The following KCNH1 variants were observed in gnomAD, a reference collection of about 807,000 sequenced individuals.
KCNH1 encodes the protein potassium voltage-gated channel subfamily H member 1, also known as voltage-gated delayed rectifier potassium channel KCNH1.
Under a neutral mutation model 69.2 loss-of-function variants are expected in KCNH1, and 27 were observed. The ratio of observed to expected loss-of-function variants is 0.39; its 90% CI spans 0.29 to 0.54. The LOEUF is 0.54. Ranked by LOEUF, KCNH1 falls within the 20% of genes least tolerant of loss-of-function variation. KCNH1 has a pLI of 0.68. For synonymous variants in KCNH1, 456 were observed against 487.7 expected (o/e 0.93, Z 0.86); for missense variants, 798 against 1,261.6 (o/e 0.63, Z 5.57).
In KCNH1 at chr1:210,681,278, G is replaced by A. The variant is rs893421349; in HGVS notation, c.*2003C>T. ...AGCTTCTCAAGTGAAAGAGGCTGAA[G>A]GCCTCACAGCTTTATTCAAAGTCAC... On this transcript the variant is annotated 3_prime_UTR_variant, in exon 11 of 11. Transcript: ENST00000271751. 6.6e-6 allele frequency: 1 copy of A among 152,242 alleles called. No individual in the cohort carries two copies. Among genetic ancestry groups the A allele is most frequent in the Non-Finnish European group, 1.5e-5 (1 of 68,058 alleles). 9.4% of individuals were successfully genotyped at this position (152,242 alleles called of 1,614,324 possible). A position where few individuals can be genotyped will look rare whatever the true frequency, so the allele number is the denominator to read the frequency against.
chr1:211,091,144 T>C (rs900182091), intron 3 of KCNH1, among the ~76,000 whole-genome samples: 3 of 152,130 alleles, frequency 2.0e-5, no homozygotes, highest in African/African-American at 7.2e-5. Context: ...CAAAATCCAG[T>C]TTAGGAATCC....
At chr1:210,936,602 T>C (rs565658659) in intron 6 of KCNH1, among the ~76,000 whole-genome samples, 5 of 152,368 alleles carry the variant, frequency 3.3e-5, no homozygotes, top group South Asian at 2.1e-4. Context: ...CTTACAAATA[T>C]GCCAGAAATT....
intron 7 of KCNH1, among the ~76,000 whole-genome samples, chr1:210,883,070 C>A (rs1364052914): frequency 6.6e-6 from 1 of 152,160 alleles, no homozygotes; most frequent in Non-Finnish European, 1.5e-5. Context: ...TCACCTGGTT[C>A]TCTTCCTAAA....
chr1:210,752,645 T>C (rs576320403), intron 10 of KCNH1, among the ~76,000 whole-genome samples: 1 of 151,826 alleles, frequency 6.6e-6, no homozygotes, highest in African/African-American at 2.4e-5. Flanking sequence ...AAATGAGAAA[T>C]AGGGAACAGA....
At chr1:210,875,621 G>A (rs1240206247) in intron 7 of KCNH1, among the ~76,000 whole-genome samples, 1 of 152,028 alleles carries the variant, frequency 6.6e-6, no homozygotes, top group African/African-American at 2.4e-5. Context: ...TGACCAACAT[G>A]GTGAACCCCA....
chr1:210,768,137 TGATGG>T (rs1683676867), intron 10 of KCNH1, among the ~76,000 whole-genome samples: 1 of 152,232 alleles, frequency 6.6e-6, no homozygotes, highest in African/African-American at 2.4e-5. Flanking sequence ...TTTTAGCACC[TGATGG>T]GATCTAAGTC....
intron 1 of KCNH1, among the ~76,000 whole-genome samples, chr1:211,112,605 T>C (rs1233019350): frequency 6.6e-6 from 1 of 151,426 alleles, no homozygotes; most frequent in Non-Finnish European, 1.5e-5. Context: ...CATCAGCCTA[T>C]CACCCACTCA....
intron 7 of KCNH1, among the ~76,000 whole-genome samples, chr1:210,849,749 G>A (rs138047146): frequency 3.0e-3 from 454 of 152,096 alleles, no homozygotes; most frequent in African/African-American, 0.011. Flanking sequence ...GGGAGAAGAA[G>A]GAGCTCCATC....
At chr1:210,718,967 A>G (rs1682381625) in intron 10 of KCNH1, among the ~76,000 whole-genome samples, 1 of 152,156 alleles carries the variant, frequency 6.6e-6, no homozygotes, top group African/African-American at 2.4e-5. Flanking sequence ...TCAGATTTCC[A>G]GCGTGGTAGA....
chr1:211,134,056 G>T lies in KCNH1; in HGVS notation c.-111C>A. The T allele has an allele frequency of 1.1e-6, 1 of 903,962 alleles. No individual in the cohort carries two copies. The highest frequency in any genetic ancestry group is 2.7e-5 in the East Asian group (1 of 36,484). 56.0% of individuals were successfully genotyped at this position (903,962 alleles called of 1,614,324 possible). A position where few individuals can be genotyped will look rare whatever the true frequency, so the allele number is the denominator to read the frequency against. On this transcript the variant is annotated 5_prime_UTR_variant, in exon 1 of 11. Transcript: ENST00000271751. The surrounding 1 kb of genome is among the most constrained non-coding windows in gnomAD (Gnocchi z 5.7). ...CCGGCTCGAAGCGCCCCATGCGCCCGGCGGGGATCCGCAGGCAGGGCTGGC... is the reference window on the plus strand; with the variant it reads ...CCGGCTCGAAGCGCCCCATGCGCCCTGCGGGGATCCGCAGGCAGGGCTGGC...
intron 7 of KCNH1, among the ~76,000 whole-genome samples, chr1:210,891,247 G>C (rs1686744601): frequency 6.6e-6 from 1 of 152,188 alleles, no homozygotes; most frequent in African/African-American, 2.4e-5. Flanking sequence ...GTAGGGACAT[G>C]TATGAAGCTG....
intron 6 of KCNH1, among the ~76,000 whole-genome samples, chr1:210,942,820 T>C (rs1363088693): frequency 6.6e-6 from 1 of 152,134 alleles, no homozygotes; most frequent in East Asian, 1.9e-4. Context: ...GGATACAATT[T>C]ATACCTAGGT....
At chr1:211,072,876 A>G (rs1690672240) in intron 5 of KCNH1, among the ~76,000 whole-genome samples, 1 of 152,224 alleles carries the variant, frequency 6.6e-6, no homozygotes, top group African/African-American at 2.4e-5. Flanking sequence ...TATTAATTCA[A>G]CTATATCAAT....
At chr1:210,839,675 T>C (rs1290044642) in intron 7 of KCNH1, among the ~76,000 whole-genome samples, 2 of 152,222 alleles carry the variant, frequency 1.3e-5, no homozygotes, top group Non-Finnish European at 2.9e-5. Context: ...GAGATTATAC[T>C]AGGGAAAGTT....
At chr1:211,110,230 T>C (rs1238337408) in intron 1 of KCNH1, among the ~76,000 whole-genome samples, 1 of 152,116 alleles carries the variant, frequency 6.6e-6, no homozygotes, top group Non-Finnish European at 1.5e-5. Context: ...TGGCAGTTAC[T>C]TGAGGATGTG....
chr1:210,956,577 G>A (rs2102351611), intron 6 of KCNH1, among the ~76,000 whole-genome samples: 1 of 135,086 alleles, frequency 7.4e-6, no homozygotes, highest in South Asian at 2.4e-4. Flanking sequence ...ATTAATTACT[G>A]CCTCAACTTC....
At position 211,019,581 on chromosome 1, in the gene KCNH1, C is replaced by T. The variant is rs56153852; in HGVS notation, c.559-325G>A. Among the ~76,000 whole-genome samples the T allele has an allele frequency of 0.039, 6,004 of 152,220 alleles. 409 individuals carry two copies. Among genetic ancestry groups the T allele is most frequent in the African/African-American group, 0.14 (5,635 of 41,518 alleles). On this transcript the variant is annotated intron_variant, in intron 5 of 10. Transcript: ENST00000271751. Reference sequence around the variant, plus strand: ...TATTATTGGCTCAATTCTAAATACACCTTTGTTCTATTAGCCAATTATTAT... The same window carrying T: ...TATTATTGGCTCAATTCTAAATACATCTTTGTTCTATTAGCCAATTATTAT...
intron 6 of KCNH1, among the ~76,000 whole-genome samples, chr1:210,998,476 T>C (rs546518377): frequency 6.6e-6 from 1 of 152,276 alleles, no homozygotes; most frequent in South Asian, 2.1e-4. Context: ...CCTAAATATA[T>C]ATGCATCCAA....
At chr1:210,733,497 A>G (rs144920715) in intron 10 of KCNH1, among the ~76,000 whole-genome samples, 85 of 152,304 alleles carry the variant, frequency 5.6e-4, no homozygotes, top group Middle Eastern at 3.4e-3. Context: ...CAATTAATTG[A>G]TCTGGGTTAA....
Sources: allele counts gnomAD v4.1 joint callset (sites outside exome capture counted in the v4.1 genomes callset), GRCh38; gene constraint gnomAD v4.1.1; non-coding constraint Gnocchi (gnomAD v3.1); transcripts MANE v1.5; gene names NCBI Gene and HGNC (gene_info 2026-07-23, HGNC 2026-07-21).